The following PELI2 variants were observed in gnomAD, a reference collection of about 807,000 sequenced individuals.
The protein encoded by PELI2 is E3 ubiquitin-protein ligase pellino homolog 2.
Under a neutral mutation model 42.3 loss-of-function variants are expected in PELI2, and 23 were observed. That is an observed-to-expected ratio of 0.54 (90% CI 0.39 to 0.77). PELI2 has a LOEUF of 0.77. Ranked by LOEUF, PELI2 falls within the 30% of genes least tolerant of loss-of-function variation. The pLI, the probability that PELI2 is intolerant of heterozygous loss-of-function variation, is 0.00. For missense variants in PELI2, 463 were observed against 553.2 expected (o/e 0.84, Z 1.64); for synonymous variants, 245 against 212.2 (o/e 1.15, Z -1.34).
At chr14:56,224,014 T>C (rs1237037373) in intron 2 of PELI2, among the ~76,000 whole-genome samples, 1 of 152,154 alleles carries the variant, frequency 6.6e-6, no homozygotes, top group Non-Finnish European at 1.5e-5. Flanking sequence ...GTCTACAAAA[T>C]AGTGGGGCAG....
chr14:56,286,308 C>CG (rs1889643455), intron 3 of PELI2, among the ~76,000 whole-genome samples: 1 of 152,086 alleles, frequency 6.6e-6, no homozygotes, highest in East Asian at 1.9e-4. Flanking sequence ...ATCCTTATCC[C>CG]AGGAGGGAAG....
At chr14:56,250,635 T>C (rs1276305484) in intron 2 of PELI2, among the ~76,000 whole-genome samples, 2 of 152,156 alleles carry the variant, frequency 1.3e-5, no homozygotes, top group Non-Finnish European at 2.9e-5. Flanking sequence ...GGTAGAAATA[T>C]GAAGACTAGA....
chr14:56,255,428 T>C (rs1472788628), intron 2 of PELI2, among the ~76,000 whole-genome samples: 2 of 151,622 alleles, frequency 1.3e-5, no homozygotes, highest in East Asian at 1.9e-4. Flanking sequence ...TAAGTGGGAG[T>C]TGAACATTGA....
rs372593934 is a variant in PELI2, at chr14:56,211,173, G to A, written c.207+32709G>A. ...TGTGGTCATTTGCTCCATCACCGCT[G>A]TCGAGTGCTTTGATCCCTTGAGTCA... On this transcript the variant is annotated intron_variant, in intron 2 of 5. Coordinates refer to ENST00000267460, the MANE Select transcript of PELI2 (RefSeq NM_021255.3). Among the ~76,000 whole-genome samples, 14 of 152,330 alleles carry A rather than the reference G, an allele frequency of 9.2e-5. No individual in the cohort carries two copies. The South Asian group carries it at 2.7e-3, about 29-fold the overall frequency.
chr14:56,296,272 G>A (rs1484690409), intron 5 of PELI2, among the ~76,000 whole-genome samples: 1 of 152,180 alleles, frequency 6.6e-6, no homozygotes, highest in African/African-American at 2.4e-5. Flanking sequence ...GAGTCATTGT[G>A]TTACTGACTT....
intron 2 of PELI2, among the ~76,000 whole-genome samples, chr14:56,218,243 T>C (rs2139742950): frequency 6.6e-6 from 1 of 152,336 alleles, no homozygotes; most frequent in African/African-American, 2.4e-5. Context: ...AATGTAAACC[T>C]TTTCTAAAAA....
At chr14:56,141,833 C>T (rs1444573425) in intron 1 of PELI2, among the ~76,000 whole-genome samples, 1 of 152,182 alleles carries the variant, frequency 6.6e-6, no homozygotes, top group Non-Finnish European at 1.5e-5. Flanking sequence ...TGGTTGGGGA[C>T]ACTGAGCCAA....
chr14:56,129,713 CA>C (rs1462574984), intron 1 of PELI2, among the ~76,000 whole-genome samples: 1 of 152,206 alleles, frequency 6.6e-6, no homozygotes, highest in Non-Finnish European at 1.5e-5. Flanking sequence ...TTGTTTCAAG[CA>C]GGGATGGACT....
At chr14:56,119,681 T>C (rs1461808542) in intron 1 of PELI2, 6 of 754,490 alleles carry the variant, frequency 8.0e-6, no homozygotes, top group Non-Finnish European at 9.7e-6. Flanking sequence ...TAAAACTGGA[T>C]ATAGTGGGCA....
chr14:56,260,976 G>A (rs1039006009), intron 2 of PELI2, among the ~76,000 whole-genome samples: 1 of 152,068 alleles, frequency 6.6e-6, no homozygotes, highest in Non-Finnish European at 1.5e-5. Flanking sequence ...GGTGAGGTGA[G>A]GTACCGTGAG....
intron 2 of PELI2, among the ~76,000 whole-genome samples, chr14:56,248,973 C>T (rs1210103351): frequency 6.6e-6 from 1 of 152,132 alleles, no homozygotes; most frequent in Non-Finnish European, 1.5e-5. Context: ...ATCTTCTCTC[C>T]CAGTTTGTGT....
intron 2 of PELI2, among the ~76,000 whole-genome samples, chr14:56,264,691 C>T (rs529617784): frequency 5.9e-5 from 9 of 152,128 alleles, no homozygotes; most frequent in Admixed American, 2.0e-4. Context: ...GTTAGTGTTT[C>T]GTTATAAAGA....
intron 2 of PELI2, among the ~76,000 whole-genome samples, chr14:56,206,955 A>C (rs528795937): frequency 6.6e-5 from 10 of 152,362 alleles, no homozygotes; most frequent in African/African-American, 2.4e-4. Context: ...CCTAATCAAA[A>C]TGTGCTCAAC....
intron 1 of PELI2, among the ~76,000 whole-genome samples, chr14:56,132,943 A>AT (rs1330925549): frequency 6.6e-6 from 1 of 152,120 alleles, no homozygotes; most frequent in Admixed American, 6.5e-5. Flanking sequence ...TGTAAATGGG[A>AT]TTTTTTTCTT....
intron 2 of PELI2, among the ~76,000 whole-genome samples, chr14:56,268,953 C>A (rs1889002772): frequency 6.6e-6 from 1 of 152,074 alleles, no homozygotes; most frequent in African/African-American, 2.4e-5. Flanking sequence ...TGTGTGCTTT[C>A]AAAACTGAGA....
At chr14:56,207,693 A>G (rs766211292) in intron 2 of PELI2, among the ~76,000 whole-genome samples, 5 of 152,180 alleles carry the variant, frequency 3.3e-5, no homozygotes, top group African/African-American at 9.7e-5. Context: ...AGAGCCCCTC[A>G]CTCCAGGTAG....
chr14:56,261,304 G>A (rs1566671053), intron 2 of PELI2, among the ~76,000 whole-genome samples: 3 of 152,128 alleles, frequency 2.0e-5, no homozygotes, highest in African/African-American at 2.4e-5. Context: ...CCAGCTGACA[G>A]TTTTGCTTAC....
At position 56,301,251 on chromosome 14, in the gene PELI2, A is replaced by G. The variant is rs1414640702; in HGVS notation, c.*4085A>G. On this transcript the variant is annotated 3_prime_UTR_variant, in exon 6 of 6. Transcript: ENST00000267460. Reference sequence around the variant, plus strand: ...TCACTATTGTACCTGTGGAAATACAAGCCATTTTACAGGAAAAAATCTTCA... The same window carrying G: ...TCACTATTGTACCTGTGGAAATACAGGCCATTTTACAGGAAAAAATCTTCA... The G allele has an allele frequency of 6.6e-6, 1 of 152,670 alleles. No homozygotes were observed. Among genetic ancestry groups the G allele is most frequent in the Non-Finnish European group, 1.5e-5 (1 of 68,040 alleles). The allele number at this position is 152,670 out of a possible 1,614,324, so 9.5% of individuals were successfully genotyped here.
chr14:56,251,602 G>T (rs1429410572), intron 2 of PELI2, among the ~76,000 whole-genome samples: 1 of 152,164 alleles, frequency 6.6e-6, no homozygotes, highest in Non-Finnish European at 1.5e-5. Flanking sequence ...TAGTGCACTT[G>T]TAATTGTGAG....
Sources: allele counts gnomAD v4.1 joint callset (sites outside exome capture counted in the v4.1 genomes callset), GRCh38; gene constraint gnomAD v4.1.1; transcripts MANE v1.5; gene names NCBI Gene and HGNC (gene_info 2026-07-23, HGNC 2026-07-21).